The following CSMD1 variants were observed in gnomAD, a reference collection of about 807,000 sequenced individuals.
CSMD1 encodes the protein CUB and sushi domain-containing protein 1.
Under a neutral mutation model 417.5 loss-of-function variants are expected in CSMD1, and 213 were observed. The ratio of observed to expected loss-of-function variants is 0.51; its 90% CI spans 0.46 to 0.57. The LOEUF (loss-of-function observed/expected upper bound fraction) is 0.57. CSMD1 is among the 20% of genes least tolerant of loss of function. The pLI is 0.00. For synonymous variants in CSMD1, 2,862 were observed against 1,736.8 expected (o/e 1.65, Z -16.11); for missense variants, 6,923 against 4,529.7 (o/e 1.53, Z -15.17).
chr8:3,523,913 G>A lies in CSMD1; in HGVS notation c.1345-30187C>T, dbSNP rs117977804. ...CAGAGACATATGCACACATGTACAC[G>A]CACACACACATATGCATGCACACTC... On this transcript the variant is annotated intron_variant, in intron 10 of 69. Coordinates refer to ENST00000635120, the MANE Select transcript of CSMD1 (RefSeq NM_033225.6). Among the ~76,000 whole-genome samples, 882 of 128,664 alleles carry A rather than the reference G, an allele frequency of 6.9e-3. 6 individuals are homozygous for A. Among genetic ancestry groups the A allele is most frequent in the Non-Finnish European group, 8.8e-3 (537 of 61,292 alleles). 84.4% of individuals were successfully genotyped at this position (128,664 alleles called of 152,430 possible). A position where few individuals can be genotyped will look rare whatever the true frequency, so the allele number is the denominator to read the frequency against.
At chr8:4,017,297 A>G (rs932580950) in intron 4 of CSMD1, among the ~76,000 whole-genome samples, 1 of 152,028 alleles carries the variant, frequency 6.6e-6, no homozygotes, top group Non-Finnish European at 1.5e-5. Flanking sequence ...CAAATGCCAC[A>G]TAATTTCTTT....
At chr8:3,301,186 A>C (rs990494893) in intron 25 of CSMD1, among the ~76,000 whole-genome samples, 2 of 151,838 alleles carry the variant, frequency 1.3e-5, no homozygotes, top group South Asian at 4.1e-4. Flanking sequence ...CATAAACATA[A>C]ATTTTTAAAA....
At chr8:4,308,206 G>C (rs547892487) in intron 3 of CSMD1, among the ~76,000 whole-genome samples, 10 of 152,162 alleles carry the variant, frequency 6.6e-5, no homozygotes, top group Non-Finnish European at 1.5e-4. Context: ...AGTCACTTGA[G>C]ACTGTGTGGG....
intron 26 of CSMD1, among the ~76,000 whole-genome samples, chr8:3,265,596 C>T (rs571775052): frequency 6.6e-6 from 1 of 152,200 alleles, no homozygotes; most frequent in Non-Finnish European, 1.5e-5. Context: ...AAGAAATAAT[C>T]TGTCAGGAAC....
chr8:4,692,602 G>T (rs546315560), intron 1 of CSMD1, among the ~76,000 whole-genome samples: 11 of 152,168 alleles, frequency 7.2e-5, no homozygotes, highest in South Asian at 2.1e-4. Context: ...CAAGGATTCT[G>T]CAGGCAAAGC....
intron 41 of CSMD1, among the ~76,000 whole-genome samples, chr8:3,126,931 G>C (rs1282915820): frequency 6.6e-6 from 1 of 152,180 alleles, no homozygotes; most frequent in Non-Finnish European, 1.5e-5. Flanking sequence ...CCTTCACCTA[G>C]GAGACGGGTC....
chr8:3,683,138 T>G (rs1368328256), intron 7 of CSMD1, among the ~76,000 whole-genome samples: 2 of 152,066 alleles, frequency 1.3e-5, no homozygotes, highest in Non-Finnish European at 2.9e-5. Flanking sequence ...ATGGCACATG[T>G]ATACATATGT....
At chr8:3,000,341 C>G (rs965877859) in intron 52 of CSMD1, among the ~76,000 whole-genome samples, 1 of 149,390 alleles carries the variant, frequency 6.7e-6, no homozygotes, top group Non-Finnish European at 1.5e-5. Flanking sequence ...AGTAATATTT[C>G]TAATATGAAA....
At chr8:3,467,759 C>T (rs1816864760) in intron 12 of CSMD1, among the ~76,000 whole-genome samples, 1 of 152,104 alleles carries the variant, frequency 6.6e-6, no homozygotes, top group Non-Finnish European at 1.5e-5. Flanking sequence ...TGACAATGTC[C>T]CTTACCATGC....
chr8:2,955,908 G>A (rs974783530), intron 63 of CSMD1, 140 bp from the exon 64 acceptor site: 2 of 553,792 alleles, frequency 3.6e-6, no homozygotes, highest in South Asian at 3.7e-5. Flanking sequence ...ACATATATAT[G>A]TATATTTTTT....
chr8:4,554,201 A>G (rs1156869576), intron 2 of CSMD1, among the ~76,000 whole-genome samples: 1 of 152,092 alleles, frequency 6.6e-6, no homozygotes, highest in African/African-American at 2.4e-5. Flanking sequence ...CAGTGGAGAA[A>G]TCTCGGCTCA....
chr8:3,399,593 C>G, intron 15 of CSMD1, 64 bp from the exon 16 acceptor site: 3 of 1,289,534 alleles, frequency 2.3e-6, no homozygotes, highest in Non-Finnish European at 3.1e-6. Flanking sequence ...ATAACAATAC[C>G]CGGATAAAAG....
chr8:3,218,148 C>G (rs1341780671), intron 29 of CSMD1, among the ~76,000 whole-genome samples: 3 of 152,142 alleles, frequency 2.0e-5, no homozygotes, highest in African/African-American at 7.2e-5. Context: ...AAGGGTAAAT[C>G]ACTGATCTGA....
At chr8:3,333,202 C>T (rs915618976) in intron 23 of CSMD1, among the ~76,000 whole-genome samples, 1 of 152,142 alleles carries the variant, frequency 6.6e-6, no homozygotes, top group Non-Finnish European at 1.5e-5. Context: ...CCAGCCAACA[C>T]CTGGTCACGT....
chr8:4,765,013 T>A (rs1028291449), intron 1 of CSMD1, among the ~76,000 whole-genome samples: 6 of 152,166 alleles, frequency 3.9e-5, no homozygotes, highest in African/African-American at 1.4e-4. Flanking sequence ...TGGCTATTTC[T>A]TGTTTAATTA....
At chr8:4,620,468 T>A (rs1461235578) in intron 2 of CSMD1, among the ~76,000 whole-genome samples, 1 of 151,628 alleles carries the variant, frequency 6.6e-6, no homozygotes, top group Non-Finnish European at 1.5e-5. Flanking sequence ...TCTTCTACTT[T>A]TATAGCTGAA....
intron 9 of CSMD1, among the ~76,000 whole-genome samples, chr8:3,576,065 G>C (rs142514557): frequency 1.3e-5 from 2 of 151,956 alleles, no homozygotes; most frequent in Non-Finnish European, 2.9e-5. Flanking sequence ...CCTCGTCATA[G>C]CCCATCCTCT....
chr8:4,249,429 A>G (rs1802914546), intron 3 of CSMD1, among the ~76,000 whole-genome samples: 1 of 152,176 alleles, frequency 6.6e-6, no homozygotes, highest in Admixed American at 6.6e-5. Flanking sequence ...TTAGTGAAAA[A>G]GGATCCTATA....
chr8:4,214,488 G>C (rs957608796), intron 3 of CSMD1, among the ~76,000 whole-genome samples: 1 of 152,108 alleles, frequency 6.6e-6, no homozygotes, highest in African/African-American at 2.4e-5. Context: ...GGTAGTGAAA[G>C]GGTCTTCCTC....
Sources: gnomAD v4.1 joint callset for allele counts (sites outside exome capture counted in the v4.1 genomes callset) on GRCh38, gnomAD v4.1.1 for gene constraint, MANE v1.5 for transcripts, NCBI Gene and HGNC (gene_info 2026-07-23, HGNC 2026-07-21) for gene names.